Variants in ADAMTS12 observed in about 807,000 individuals in gnomAD.
The protein encoded by ADAMTS12 is ADAM metallopeptidase with thrombospondin type 1 motif 12.
ADAMTS12 carries 118 observed loss-of-function variants against 167.8 expected under a neutral mutation model. The observed-to-expected ratio is 0.70, with a 90% CI of 0.61 to 0.82. The LOEUF is 0.82. Among genes scored for constraint, ADAMTS12 ranks in the 40% least tolerant of loss-of-function variants. The pLI, the probability that ADAMTS12 is intolerant of heterozygous loss-of-function variation, is 0.00. For synonymous variants in ADAMTS12, 704 were observed against 716.9 expected, an observed-to-expected ratio of 0.98 and a Z score of 0.29; for missense variants, 1,916 against 1,998.8, an observed-to-expected ratio of 0.96 and a Z score of 0.79.
intron 2 of ADAMTS12, among the ~76,000 whole-genome samples, chr5:33,772,243 T>C (rs926570488): frequency 1.3e-5 from 2 of 152,134 alleles, no homozygotes; most frequent in African/African-American, 4.8e-5. Flanking sequence ...CTACCATAAG[T>C]AATTCGTCCA....
rs542823639 is a variant in ADAMTS12, at chr5:33,716,436, T to C, written c.635-32381A>G. Among the ~76,000 whole-genome samples the C allele has an allele frequency of 2.6e-5, 4 of 152,294 alleles. No homozygotes were observed. In the East Asian group the frequency reaches 7.7e-4, roughly 29 times the overall value. ...TAAAACTTATGGTTTTATTGTCTTG[T>C]AGAAAATCAACCAATTGTGTATCTA... On this transcript the variant is annotated intron_variant, in intron 3 of 23. Transcript: ENST00000504830.
At chr5:33,742,408 G>T (rs989686614) in intron 3 of ADAMTS12, among the ~76,000 whole-genome samples, 1 of 151,786 alleles carries the variant, frequency 6.6e-6, no homozygotes, top group Admixed American at 6.6e-5. Context: ...ACGGGGGTGG[G>T]AGTGTTTGTC....
intron 9 of ADAMTS12, among the ~76,000 whole-genome samples, chr5:33,648,317 T>C (rs952964565): frequency 1.2e-4 from 18 of 152,272 alleles, no homozygotes; most frequent in Admixed American, 5.9e-4. Flanking sequence ...AGAGACTGAA[T>C]TGAGGCAGTG....
chr5:33,617,777 A>T (rs561975067), intron 14 of ADAMTS12, among the ~76,000 whole-genome samples: 1 of 151,276 alleles, frequency 6.6e-6, no homozygotes, highest in East Asian at 2.0e-4. Flanking sequence ...GCTTTTAAAA[A>T]ATAAAAACCT....
At chr5:33,570,198 C>A (rs1412976062) in intron 19 of ADAMTS12, among the ~76,000 whole-genome samples, 1 of 152,128 alleles carries the variant, frequency 6.6e-6, no homozygotes, top group African/African-American at 2.4e-5. Context: ...GAGAACTTCC[C>A]CAATCTAGCA....
intron 9 of ADAMTS12, among the ~76,000 whole-genome samples, chr5:33,647,497 AAGGCGGGTGGATCACCTGAAGTC>A (rs1271305971): frequency 6.6e-6 from 1 of 152,148 alleles, no homozygotes; most frequent in Non-Finnish European, 1.5e-5. Context: ...TTGGGAGGCC[AAGGCGGGTGGATCACCTGAAGTC>A]AGGAGTTCGA....
chr5:33,834,410 G>T (rs957382018), intron 2 of ADAMTS12, among the ~76,000 whole-genome samples: 2 of 152,112 alleles, frequency 1.3e-5, no homozygotes, highest in Non-Finnish European at 2.9e-5. Context: ...TTCATATATA[G>T]AGAAAACAAT....
At chr5:33,827,710 AATAGATAGATAGATAGATAG>A (rs60023282) in intron 2 of ADAMTS12, among the ~76,000 whole-genome samples, 11 of 99,004 alleles carry the variant, frequency 1.1e-4, no homozygotes, top group Non-Finnish European at 1.7e-4. Flanking sequence ...GAGAAAACAA[AATAGATAGATAGATAGATAG>A]ATAGATAGAT....
intron 23 of ADAMTS12, 138 bp from the exon 24 acceptor site, chr5:33,527,504 C>T: frequency 1.2e-6 from 1 of 815,870 alleles, no homozygotes; most frequent in Non-Finnish European, 1.9e-6. Flanking sequence ...GTGGTATCTA[C>T]TGAATGTTTA....
At chr5:33,850,363 G>T (rs1033683724) in intron 2 of ADAMTS12, among the ~76,000 whole-genome samples, 1 of 152,184 alleles carries the variant, frequency 6.6e-6, no homozygotes, top group African/African-American at 2.4e-5. Flanking sequence ...AGGCCTTCTT[G>T]TTCCCTTTCA....
intron 2 of ADAMTS12, among the ~76,000 whole-genome samples, chr5:33,852,931 A>T (rs1163716372): frequency 2.0e-5 from 3 of 152,186 alleles, no homozygotes; most frequent in Non-Finnish European, 4.4e-5. Flanking sequence ...ACCTTCTCTA[A>T]ATCCCCATTC....
At chr5:33,625,705 G>C (rs999988820) in intron 13 of ADAMTS12, among the ~76,000 whole-genome samples, 1 of 152,082 alleles carries the variant, frequency 6.6e-6, no homozygotes, top group Non-Finnish European at 1.5e-5. Flanking sequence ...GAGAGACAAG[G>C]GTTGGGGGAA....
At position 33,576,296 on chromosome 5, in the gene ADAMTS12, G is replaced by A. The variant is rs189970267; in HGVS notation, c.3730C>T (p.Pro1244Ser). 7 of 1,614,042 alleles carry A rather than the reference G, an allele frequency of 4.3e-6. No individual in the cohort carries two copies. Among genetic ancestry groups the A allele is most frequent in the South Asian group, 1.1e-5 (1 of 91,084 alleles). ...CCCAGAGGGAGCAGAGTGTTGGCTG[G>A]CTTTTCAGTAACCATCCCCTCAACT... Reference protein sequence around the residue: ...PRVEGMVTEKPANTLLPLGGD... With the variant: ...PRVEGMVTEKSANTLLPLGGD... The change falls in exon 19 of 24, where the codon CCA (proline) becomes TCA (serine). Residue 1244 changes from proline (P) to serine (S), a missense_variant. Transcript: ENST00000504830.
At chr5:33,818,287 CT>C (rs922483896) in intron 2 of ADAMTS12, among the ~76,000 whole-genome samples, 31 of 152,040 alleles carry the variant, frequency 2.0e-4, no homozygotes, top group Admixed American at 2.6e-4. Context: ...CCCCATCCCC[CT>C]GATGACCACT....
intron 20 of ADAMTS12, among the ~76,000 whole-genome samples, chr5:33,560,043 G>A (rs77002647): frequency 2.6e-5 from 4 of 152,096 alleles, no homozygotes; most frequent in Non-Finnish European, 4.4e-5. Context: ...AATTATATCC[G>A]TGATAATATA....
intron 18 of ADAMTS12, among the ~76,000 whole-genome samples, chr5:33,581,155 A>G (rs905795272): frequency 3.9e-5 from 6 of 152,218 alleles, no homozygotes; most frequent in Non-Finnish European, 5.9e-5. Flanking sequence ...TTATCTCCTT[A>G]GGAGCTGTCA....
intron 7 of ADAMTS12, among the ~76,000 whole-genome samples, chr5:33,655,214 A>G (rs142445410): frequency 3.9e-5 from 6 of 152,252 alleles, no homozygotes; most frequent in African/African-American, 1.2e-4. Flanking sequence ...GTACCTGTTC[A>G]TAGACTCACT....
At chr5:33,829,488 C>T (rs933489566) in intron 2 of ADAMTS12, among the ~76,000 whole-genome samples, 1 of 152,146 alleles carries the variant, frequency 6.6e-6, no homozygotes, top group Non-Finnish European at 1.5e-5. Context: ...CCCACCTTTC[C>T]AAAGCAGCAC....
Position 33,546,030 on chromosome 5 carries a change from T to TA in ADAMTS12, c.4446+28dup, listed in dbSNP as rs767620589. The TA allele has an allele frequency of 4.5e-6, 7 of 1,547,584 alleles. No individual in the cohort carries two copies. The African/African-American group carries it at 5.7e-5, about 13-fold the overall frequency. ...TATTAAAAAAAAAAAAAAGCTAAAG[T>TA]AAAAAAAGTATGTATAACCAAGTCT... On this transcript the variant is annotated intron_variant, in intron 22 of 23. Transcript: ENST00000504830.
Sources: gnomAD v4.1 joint callset for allele counts (sites outside exome capture counted in the v4.1 genomes callset) on GRCh38, gnomAD v4.1.1 for gene constraint, MANE v1.5 for transcripts, NCBI Gene and HGNC (gene_info 2026-07-23, HGNC 2026-07-21) for gene names.